WDFY3: variants seen among roughly 807,000 people sequenced by gnomAD.
WDFY3 encodes the protein WD repeat and FYVE domain-containing protein 3.
WDFY3 carries 66 observed loss-of-function variants against 409.6 expected under a neutral mutation model. That is an observed-to-expected ratio of 0.16 (90% CI 0.13 to 0.20). WDFY3 has a LOEUF of 0.20. Ranked by LOEUF, WDFY3 falls within the 10% of genes least tolerant of loss-of-function variation. The pLI, the probability that WDFY3 is intolerant of heterozygous loss-of-function variation, is 1.00. For synonymous variants in WDFY3, 1,521 were observed against 1,537.1 expected, an observed-to-expected ratio of 0.99 and a Z score of 0.25; for missense variants, 3,031 against 4,298.1, an observed-to-expected ratio of 0.71 and a Z score of 8.24.
intron 4 of WDFY3, among the ~76,000 whole-genome samples, chr4:84,850,630 G>A (rs1438163395): frequency 6.6e-6 from 1 of 151,790 alleles, no homozygotes; most frequent in Non-Finnish European, 1.5e-5. Context: ...ATTTTTCTGA[G>A]GAAAGCTAAT....
At chr4:84,742,395 T>G (rs1578325200) in intron 37 of WDFY3, among the ~76,000 whole-genome samples, 1 of 152,234 alleles carries the variant, frequency 6.6e-6, no homozygotes, top group African/African-American at 2.4e-5. Flanking sequence ...TAATCATTGT[T>G]GAGGGGTGTG....
intron 2 of WDFY3, among the ~76,000 whole-genome samples, chr4:84,922,812 A>T (rs1769463457): frequency 6.6e-6 from 1 of 152,108 alleles, no homozygotes; most frequent in African/African-American, 2.4e-5. Context: ...GGTGTGCACC[A>T]CCATGCCAGT....
intron 21 of WDFY3, among the ~76,000 whole-genome samples, chr4:84,793,661 G>A (rs1029007707): frequency 5.9e-5 from 9 of 152,120 alleles, no homozygotes; most frequent in Non-Finnish European, 8.8e-5. Context: ...TAATTAGGAC[G>A]AATTAGTCAA....
At chr4:84,834,357 T>C (rs1246749850) in intron 7 of WDFY3, among the ~76,000 whole-genome samples, 1 of 152,044 alleles carries the variant, frequency 6.6e-6, no homozygotes, top group African/African-American at 2.4e-5. Context: ...AGTCAATTTC[T>C]CATTCCTGGC....
chr4:84,703,859 T>C (rs1312424754), intron 55 of WDFY3, among the ~76,000 whole-genome samples: 1 of 152,238 alleles, frequency 6.6e-6, no homozygotes, highest in Non-Finnish European at 1.5e-5. Context: ...GATTTCTGGC[T>C]GTCTCCTTCA....
At chr4:84,758,870 T>C (rs1056649353) in intron 32 of WDFY3, among the ~76,000 whole-genome samples, 5 of 152,218 alleles carry the variant, frequency 3.3e-5, no homozygotes, top group African/African-American at 1.2e-4. Flanking sequence ...AGACATGAAG[T>C]CCTTGCCCGT....
Position 84,681,867 on chromosome 4 carries a change from A to G in WDFY3, c.9823+507T>C, listed in dbSNP as rs148901171. On this transcript the variant is annotated intron_variant, in intron 64 of 67. Coordinates refer to ENST00000295888, the MANE Select transcript of WDFY3 (RefSeq NM_014991.6). Reference sequence around the variant, plus strand: ...AAAAATTTTAAATTGCTTCACAAATAATGGACTATAGGTAACCAGGCTTCA... The same window carrying G: ...AAAAATTTTAAATTGCTTCACAAATGATGGACTATAGGTAACCAGGCTTCA... 1.1e-4 allele frequency among the ~76,000 whole-genome samples: 17 copies of G among 152,336 alleles called. No individual in the cohort carries two copies. The East Asian group carries it at 3.3e-3, about 29-fold the overall frequency.
At chr4:84,673,641 G>T (rs1411379052) in intron 67 of WDFY3, among the ~76,000 whole-genome samples, 2 of 152,044 alleles carry the variant, frequency 1.3e-5, no homozygotes, top group Non-Finnish European at 2.9e-5. Context: ...CTGTTTGAAG[G>T]AGACTATTCT....
At chr4:84,888,017 G>A (rs929570620) in intron 3 of WDFY3, among the ~76,000 whole-genome samples, 1 of 152,152 alleles carries the variant, frequency 6.6e-6, no homozygotes, top group African/African-American at 2.4e-5. Context: ...TATGACTCAT[G>A]AGCGGTATCT....
intron 42 of WDFY3, 112 bp from the exon 43 acceptor site, chr4:84,735,232 C>A: frequency 3.0e-6 from 3 of 990,902 alleles, no homozygotes; most frequent in East Asian, 2.6e-5. Context: ...CCAAAAGCAC[C>A]AAAACAGAAA....
chr4:84,828,103 G>GAGGA (rs892792556), intron 9 of WDFY3, among the ~76,000 whole-genome samples: 8 of 151,650 alleles, frequency 5.3e-5, no homozygotes, highest in African/African-American at 1.9e-4. Context: ...GGGAGGAAGG[G>GAGGA]AGGAAGGAAG....
intron 3 of WDFY3, among the ~76,000 whole-genome samples, chr4:84,877,057 T>C (rs145241676): frequency 0.012 from 1,836 of 152,330 alleles, 37 homozygotes; most frequent in African/African-American, 0.042. Flanking sequence ...ATCTGGTACA[T>C]AGCAGAACTG....
chr4:84,674,549 G>A (rs1725932479), intron 67 of WDFY3, among the ~76,000 whole-genome samples: 1 of 151,846 alleles, frequency 6.6e-6, no homozygotes, highest in Non-Finnish European at 1.5e-5. Flanking sequence ...CAGCCTGGGT[G>A]ATAGAGGAAG....
intron 35 of WDFY3, among the ~76,000 whole-genome samples, chr4:84,752,732 AAAG>A (rs1209897142): frequency 6.6e-6 from 1 of 152,190 alleles, no homozygotes; most frequent in Non-Finnish European, 1.5e-5. Context: ...AAATTAGTAT[AAAG>A]AAGGTCATTT....
chr4:84,840,217 T>C (rs1396413627), intron 6 of WDFY3, among the ~76,000 whole-genome samples: 1 of 152,154 alleles, frequency 6.6e-6, no homozygotes, highest in African/African-American at 2.4e-5. Context: ...AAATCAGGTA[T>C]CCAAATAGCT....
chr4:84,964,530 T>C (rs1309355141), intron 1 of WDFY3, among the ~76,000 whole-genome samples: 1 of 152,210 alleles, frequency 6.6e-6, no homozygotes, highest in Admixed American at 6.5e-5. Flanking sequence ...AATTGCAAAG[T>C]TGAGCAGTGG....
At chr4:84,695,944 C>G (rs1730072239) in intron 58 of WDFY3, 26 bp downstream of exon 58, 3 of 1,598,166 alleles carry the variant, frequency 1.9e-6, no homozygotes, top group African/African-American at 1.3e-5. Context: ...CAGAGTACAT[C>G]AATGACAAGA....
At chr4:84,904,382 TA>T (rs1368401631) in intron 2 of WDFY3, among the ~76,000 whole-genome samples, 1 of 150,742 alleles carries the variant, frequency 6.6e-6, no homozygotes, top group African/African-American at 2.4e-5. Context: ...AGACTCCATC[TA>T]AAAAAAAGAA....
rs547845530 is a variant in WDFY3, at chr4:84,908,341, T to C, written c.-131-11331A>G. On this transcript the variant is annotated intron_variant, in intron 2 of 67. Coordinates refer to ENST00000295888, the MANE Select transcript of WDFY3 (RefSeq NM_014991.6). ...TAGAAGGTAGAAAGATAGAACTTTA[T>C]GATTGATTTTAAAATTAAATGCCAT... Among the ~76,000 whole-genome samples the C allele has an allele frequency of 8.3e-4, 127 of 152,176 alleles. 2 individuals carry two copies. Among genetic ancestry groups the C allele is most frequent in the Admixed American group, 2.2e-3 (34 of 15,274 alleles).
Sources: gnomAD v4.1 joint callset for allele counts (sites outside exome capture counted in the v4.1 genomes callset) on GRCh38, gnomAD v4.1.1 for gene constraint, MANE v1.5 for transcripts, NCBI Gene and HGNC (gene_info 2026-07-23, HGNC 2026-07-21) for gene names.